Variants in LRRIQ3 observed in about 807,000 individuals in gnomAD.
LRRIQ3 encodes the protein leucine-rich repeat and IQ domain-containing protein 3.
In LRRIQ3, 75 loss-of-function variants were observed where a neutral mutation model predicts 59.3. That is an observed-to-expected ratio of 1.26 (90% CI 1.05 to 1.53). The LOEUF is 1.53. LRRIQ3 is among the 40% of genes most tolerant of loss of function. The probability of loss-of-function intolerance (pLI) is 0.00; values close to 1 mark genes in which losing one functional copy is unlikely to be tolerated. For synonymous variants in LRRIQ3, 250 were observed against 231.3 expected (o/e 1.08, Z -0.73); for missense variants, 831 against 710.0 (o/e 1.17, Z -1.94).
chr1:74,194,551 A>G (rs1650975755), intron 1 of LRRIQ3, among the ~76,000 whole-genome samples: 1 of 152,158 alleles, frequency 6.6e-6, no homozygotes, highest in Non-Finnish European at 1.5e-5. Context: ...TGTTCAGAAA[A>G]AAAGCTTTTG....
At chr1:74,085,334 A>T (rs1161609614) in intron 5 of LRRIQ3, among the ~76,000 whole-genome samples, 19 of 151,572 alleles carry the variant, frequency 1.3e-4, no homozygotes, top group Non-Finnish European at 2.4e-4. Context: ...AAAAAAAAAA[A>T]AAAAAATAAA....
At chr1:74,125,885 T>C (rs968410035) in intron 4 of LRRIQ3, among the ~76,000 whole-genome samples, 3 of 151,912 alleles carry the variant, frequency 2.0e-5, no homozygotes, top group Non-Finnish European at 4.4e-5. Flanking sequence ...ATTGGAAGTA[T>C]TCCTTACTCC....
At chr1:74,084,566 A>T (rs2100502802) in intron 5 of LRRIQ3, among the ~76,000 whole-genome samples, 1 of 151,784 alleles carries the variant, frequency 6.6e-6, no homozygotes, top group African/African-American at 2.4e-5. Context: ...ATATATATTT[A>T]TTTCCCACAG....
chr1:74,040,383 G>A (rs565263336), intron 7 of LRRIQ3, among the ~76,000 whole-genome samples: 1 of 152,232 alleles, frequency 6.6e-6, no homozygotes, highest in Admixed American at 6.5e-5. Flanking sequence ...ACCGATTAAT[G>A]AGACATAAAA....
chr1:74,061,131 T>G (rs1198250837), intron 6 of LRRIQ3, among the ~76,000 whole-genome samples: 1 of 151,986 alleles, frequency 6.6e-6, no homozygotes, highest in African/African-American at 2.4e-5. Context: ...ATCCTCATAC[T>G]CCAACAACAT....
At chr1:74,129,693 A>C (rs966071996) in intron 4 of LRRIQ3, among the ~76,000 whole-genome samples, 1 of 152,054 alleles carries the variant, frequency 6.6e-6, no homozygotes, top group Non-Finnish European at 1.5e-5. Context: ...GTGCAGGGTC[A>C]CATCTGAAGC....
At chr1:74,059,681 A>G (rs1488284177) in intron 6 of LRRIQ3, among the ~76,000 whole-genome samples, 1 of 152,028 alleles carries the variant, frequency 6.6e-6, no homozygotes, top group African/African-American at 2.4e-5. Context: ...GTTGTTGGAA[A>G]TCCCCTACAT....
At chr1:74,114,948 A>G (rs1212534080) in intron 4 of LRRIQ3, among the ~76,000 whole-genome samples, 1 of 151,960 alleles carries the variant, frequency 6.6e-6, no homozygotes, top group Non-Finnish European at 1.5e-5. Context: ...TATTTTATAC[A>G]ATTATATGAT....
intron 3 of LRRIQ3, among the ~76,000 whole-genome samples, chr1:74,169,535 C>G (rs937139727): frequency 6.6e-6 from 1 of 152,012 alleles, no homozygotes; most frequent in Non-Finnish European, 1.5e-5. Context: ...CAACAGTGTA[C>G]AAAGGTTTCA....
rs544762819 is a variant in LRRIQ3, at chr1:74,097,467, T to C, written c.867+11927A>G. 5.3e-5 allele frequency among the ~76,000 whole-genome samples: 8 copies of C among 152,224 alleles called. No homozygotes were observed. In the South Asian group the frequency reaches 1.7e-3, roughly 32 times the overall value. ...AAGTGACAAGGAGAATGGAACCAAG[T>C]TGGAAAACACTCTGCAGGATATTAT... On this transcript the variant is annotated intron_variant, in intron 5 of 7. Coordinates refer to ENST00000354431, the MANE Select transcript of LRRIQ3 (RefSeq NM_001105659.2).
intron 7 of LRRIQ3, among the ~76,000 whole-genome samples, chr1:74,029,776 C>A (rs1268685829): frequency 6.6e-6 from 1 of 152,012 alleles, no homozygotes; most frequent in Non-Finnish European, 1.5e-5. Flanking sequence ...AGAAATGGTA[C>A]CAGCTCCTTC....
chr1:74,044,091 G>A (rs996576240), intron 6 of LRRIQ3, among the ~76,000 whole-genome samples: 1 of 152,040 alleles, frequency 6.6e-6, no homozygotes, highest in Non-Finnish European at 1.5e-5. Context: ...TTACATTAAA[G>A]CTCTATGTAG....
At chr1:74,185,294 C>A (rs1176065125) in intron 1 of LRRIQ3, among the ~76,000 whole-genome samples, 2 of 152,178 alleles carry the variant, frequency 1.3e-5, no homozygotes, top group African/African-American at 4.8e-5. Flanking sequence ...TGCTCCACAA[C>A]CTCACCAGTA....
chr1:74,030,962 G>A (rs929848962), intron 7 of LRRIQ3, among the ~76,000 whole-genome samples: 2 of 152,116 alleles, frequency 1.3e-5, no homozygotes, highest in African/African-American at 4.8e-5. Flanking sequence ...GATATAAACA[G>A]ACACTTCTCA....
chr1:74,139,294 AGGAG>A (rs528635999), intron 4 of LRRIQ3, among the ~76,000 whole-genome samples: 113 of 140,448 alleles, frequency 8.0e-4, no homozygotes, highest in Non-Finnish European at 1.2e-3. Flanking sequence ...GAAGGAAGGA[AGGAG>A]GGAGGGAGGG....
chr1:74,041,734 T>C lies in LRRIQ3; in HGVS notation c.1197A>G (p.Arg399=). Residue 399 remains arginine, a synonymous_variant, in exon 7 of 8, where the codon CGA becomes CGG. Coordinates refer to ENST00000354431, the MANE Select transcript of LRRIQ3 (RefSeq NM_001105659.2). ...HPKPIIKKDI[R]LERSMKEFFA... ...AAAACTCTTTCATACTCCGCTCCAA[T>C]CGTATGTCTTTTTTAATGATTGGCT... 1 of 1,613,680 alleles carries C rather than the reference T, an allele frequency of 6.2e-7. No individual in the cohort carries two copies. Among genetic ancestry groups the C allele is most frequent in the East Asian group, 2.2e-5 (1 of 44,836 alleles).
intron 3 of LRRIQ3, among the ~76,000 whole-genome samples, chr1:74,159,470 C>T (rs1038859886): frequency 1.3e-5 from 2 of 152,044 alleles, no homozygotes; most frequent in Non-Finnish European, 2.9e-5. Flanking sequence ...CAATGTCAAT[C>T]AATTTATTCT....
intron 7 of LRRIQ3, among the ~76,000 whole-genome samples, chr1:74,032,168 T>A (rs553468920): frequency 6.6e-6 from 1 of 152,022 alleles, no homozygotes; most frequent in East Asian, 1.9e-4. Context: ...TTCAGATTTA[T>A]TTTAAATGTG....
At chr1:74,176,024 T>C (rs1181824462) in intron 3 of LRRIQ3, among the ~76,000 whole-genome samples, 2 of 152,184 alleles carry the variant, frequency 1.3e-5, no homozygotes, top group Non-Finnish European at 2.9e-5. Context: ...AGAAAGAAAG[T>C]GTATTTCGTT....
Sources: allele counts gnomAD v4.1 joint callset (sites outside exome capture counted in the v4.1 genomes callset), GRCh38; gene constraint gnomAD v4.1.1; transcripts MANE v1.5; gene names NCBI Gene and HGNC (gene_info 2026-07-23, HGNC 2026-07-21).